The following SSBP2 variants were observed in gnomAD, a reference collection of about 807,000 sequenced individuals.
The protein encoded by SSBP2 is single-stranded DNA-binding protein 2.
A neutral mutation model predicts 61.8 loss-of-function variants in SSBP2; 17 were observed. That is an observed-to-expected ratio of 0.28 (90% CI 0.19 to 0.41). The LOEUF is 0.41. SSBP2 is among the 10% of genes least tolerant of loss of function. The pLI is 1.00. For missense variants in SSBP2, 310 were observed against 458.7 expected, an observed-to-expected ratio of 0.68 and a Z score of 2.96; for synonymous variants, 139 against 141.3, an observed-to-expected ratio of 0.98 and a Z score of 0.12.
intron 2 of SSBP2, among the ~76,000 whole-genome samples, chr5:81,645,810 G>A (rs1332771331): frequency 6.6e-6 from 1 of 151,952 alleles, no homozygotes; most frequent in African/African-American, 2.4e-5. Flanking sequence ...AAAAAAAAAT[G>A]AAAAGTCACA....
rs144446320 is a variant in SSBP2 at position 81,700,664 on chromosome 5, A to G, written c.62+50317T>C. ...TTGTTTAGGGTAGCCTCACTCATCA[A>G]TGATCTTAGATCTTCTGGATAATGT... On this transcript the variant is annotated intron_variant, in intron 1 of 16. Transcript: ENST00000320672. 3.3e-5 allele frequency among the ~76,000 whole-genome samples: 5 copies of G among 152,318 alleles called. No individual in the cohort carries two copies. In the East Asian group the frequency reaches 9.7e-4, roughly 29 times the overall value.
At chr5:81,651,981 C>G (rs1749768862) in intron 1 of SSBP2, among the ~76,000 whole-genome samples, 1 of 152,006 alleles carries the variant, frequency 6.6e-6, no homozygotes, top group Non-Finnish European at 1.5e-5. Context: ...GAAAAAAAAA[C>G]ATAGACTCAG....
chr5:81,469,175 T>C (rs192688278), intron 8 of SSBP2, among the ~76,000 whole-genome samples: 307 of 152,040 alleles, frequency 2.0e-3, no homozygotes, highest in Non-Finnish European at 2.4e-3. Context: ...CACTGCCCCA[T>C]TGCCTCTGCA....
intron 2 of SSBP2, among the ~76,000 whole-genome samples, chr5:81,648,190 G>C (rs1420295089): frequency 6.6e-6 from 1 of 152,032 alleles, no homozygotes; most frequent in Non-Finnish European, 1.5e-5. Context: ...AATACAAAAA[G>C]ACATCCTTTT....
Position 81,413,718 on chromosome 5 carries a change from G to C in SSBP2, c.*6786C>G, listed in dbSNP as rs1034985310. On this transcript the variant is annotated 3_prime_UTR_variant, in exon 17 of 17. Coordinates refer to ENST00000320672, the MANE Select transcript of SSBP2 (RefSeq NM_012446.5). ...AAAACAGTTTGAAATATGATAGAAA[G>C]TATAAACACATTTCAATCAGTAGTT... is the stretch of plus-strand genomic sequence containing the variant. 1 of 152,108 alleles carries C rather than the reference G, an allele frequency of 6.6e-6. No individual in the cohort carries two copies. Among genetic ancestry groups the C allele is most frequent in the African/African-American group, 2.4e-5 (1 of 41,426 alleles). The allele number at this position is 152,108 out of a possible 1,614,324, so 9.4% of individuals were successfully genotyped here. A position where few individuals can be genotyped will look rare whatever the true frequency, so the allele number is the denominator to read the frequency against.
intron 16 of SSBP2, among the ~76,000 whole-genome samples, chr5:81,428,342 C>A (rs977470008): frequency 6.6e-6 from 1 of 152,154 alleles, no homozygotes; most frequent in Non-Finnish European, 1.5e-5. Context: ...TGTTCCTTTA[C>A]AGTGGAGGTT....
intron 1 of SSBP2, among the ~76,000 whole-genome samples, chr5:81,686,455 AT>A (rs1165172941): frequency 6.6e-6 from 1 of 152,154 alleles, no homozygotes; most frequent in Non-Finnish European, 1.5e-5. Flanking sequence ...TAGGAAATGT[AT>A]TTTTTATATT....
At chr5:81,474,457 T>C (rs772901009) in intron 7 of SSBP2, 39 bp downstream of exon 7, 10 of 1,551,858 alleles carry the variant, frequency 6.4e-6, no homozygotes, top group Non-Finnish European at 8.9e-6. Flanking sequence ...TCCTCTATGG[T>C]TCTGCACATC....
intron 1 of SSBP2, among the ~76,000 whole-genome samples, chr5:81,669,524 C>T (rs1438582550): frequency 6.6e-6 from 1 of 152,068 alleles, no homozygotes; most frequent in Admixed American, 6.6e-5. Context: ...AAGCTGGAAG[C>T]CATCATCCTC....
intron 4 of SSBP2, among the ~76,000 whole-genome samples, chr5:81,591,702 C>T (rs1349471270): frequency 6.6e-6 from 1 of 151,946 alleles, no homozygotes; most frequent in Non-Finnish European, 1.5e-5. Flanking sequence ...ATCAGTGACC[C>T]TGGAAATAGA....
intron 1 of SSBP2, among the ~76,000 whole-genome samples, chr5:81,744,132 C>A (rs1327645546): frequency 6.6e-6 from 1 of 152,166 alleles, no homozygotes; most frequent in African/African-American, 2.4e-5. Flanking sequence ...GCCAAACAAA[C>A]AAGATACTCA....
chr5:81,484,130 G>T (rs189515249), intron 6 of SSBP2, among the ~76,000 whole-genome samples: 19 of 152,200 alleles, frequency 1.2e-4, no homozygotes, highest in African/African-American at 4.3e-4. Context: ...TCTCTTGAAT[G>T]ATTCAATATT....
intron 4 of SSBP2, among the ~76,000 whole-genome samples, chr5:81,611,570 TG>T (rs1166928662): frequency 6.6e-6 from 1 of 152,166 alleles, no homozygotes; most frequent in African/African-American, 2.4e-5. Context: ...AAGAATATCA[TG>T]TTTTTTAAAT....
At chr5:81,433,936 T>C (rs555656402) in intron 15 of SSBP2, among the ~76,000 whole-genome samples, 2 of 152,334 alleles carry the variant, frequency 1.3e-5, no homozygotes, top group Non-Finnish European at 1.5e-5. Flanking sequence ...AAAGATTGTA[T>C]AGCTAATGAG....
rs983855986 is a variant in SSBP2, at chr5:81,734,591, T to G, written c.62+16390A>C. On this transcript the variant is annotated intron_variant, in intron 1 of 16. Coordinates refer to ENST00000320672, the MANE Select transcript of SSBP2 (RefSeq NM_012446.5). ...GTGCAATCATTGTCTCTCCTACCAA[T>G]AACTAGCTAACTTACAATTGATATC... 5.7e-4 allele frequency among the ~76,000 whole-genome samples: 87 copies of G among 152,314 alleles called. 2 individuals are homozygous for G. Among genetic ancestry groups the G allele is most frequent in the African/African-American group, 2.0e-3 (84 of 41,570 alleles).
chr5:81,737,634 A>T (rs1476068499), intron 1 of SSBP2, among the ~76,000 whole-genome samples: 1 of 151,838 alleles, frequency 6.6e-6, no homozygotes, highest in African/African-American at 2.4e-5. Context: ...TACAAAAAAA[A>T]AAAATTAGCC....
At chr5:81,469,796 G>T (rs924191807) in intron 8 of SSBP2, among the ~76,000 whole-genome samples, 1 of 151,898 alleles carries the variant, frequency 6.6e-6, no homozygotes, top group Non-Finnish European at 1.5e-5. Context: ...ATAACAACTT[G>T]CTTTCCAAGT....
Position 81,685,487 on chromosome 5 carries a change from G to A in SSBP2, c.63-35148C>T, listed in dbSNP as rs958109725. Among the ~76,000 whole-genome samples the A allele has an allele frequency of 5.9e-5, 9 of 151,582 alleles. No homozygotes were observed. The South Asian group carries it at 1.1e-3, about 18-fold the overall frequency. ...AAAGAAGGAGTATATATGAACTCTCGGTGCTTCACACTCAATTTTGCTCTG... is the reference window on the plus strand; with the variant it reads ...AAAGAAGGAGTATATATGAACTCTCAGTGCTTCACACTCAATTTTGCTCTG... On this transcript the variant is annotated intron_variant, in intron 1 of 16. Coordinates refer to ENST00000320672, the MANE Select transcript of SSBP2 (RefSeq NM_012446.5).
intron 5 of SSBP2, among the ~76,000 whole-genome samples, chr5:81,494,821 GA>G (rs200307054): frequency 2.0e-5 from 3 of 149,630 alleles, no homozygotes; most frequent in Admixed American, 1.3e-4. Flanking sequence ...GTGACAAAAT[GA>G]AAAAAAAATA....
Sources: gnomAD v4.1 joint callset for allele counts (sites outside exome capture counted in the v4.1 genomes callset) on GRCh38, gnomAD v4.1.1 for gene constraint, MANE v1.5 for transcripts, NCBI Gene and HGNC (gene_info 2026-07-23, HGNC 2026-07-21) for gene names.